Variants in NKAIN2 observed in about 807,000 individuals in gnomAD.
The protein encoded by NKAIN2 is sodium/potassium-transporting ATPase subunit beta-1-interacting protein 2.
NKAIN2 carries 14 observed loss-of-function variants against 32.6 expected under a neutral mutation model. The ratio of observed to expected loss-of-function variants is 0.43; its 90% CI spans 0.28 to 0.67. NKAIN2 has a LOEUF of 0.67. Ranked by LOEUF, NKAIN2 falls within the 30% of genes least tolerant of loss-of-function variation. The probability of loss-of-function intolerance (pLI) is 0.17; values close to 1 mark genes in which losing one functional copy is unlikely to be tolerated. For synonymous variants in NKAIN2, 80 were observed against 87.2 expected (o/e 0.92, Z 0.46); for missense variants, 198 against 258.3 (o/e 0.77, Z 1.60).
chr6:124,744,784 T>C (rs1485984783), intron 4 of NKAIN2, among the ~76,000 whole-genome samples: 1 of 151,882 alleles, frequency 6.6e-6, no homozygotes, highest in Non-Finnish European at 1.5e-5. Flanking sequence ...TTAGCAGAGA[T>C]GTATTTCAAC....
chr6:123,962,673 C>T (rs1464881169), intron 1 of NKAIN2, among the ~76,000 whole-genome samples: 1 of 152,088 alleles, frequency 6.6e-6, no homozygotes, highest in Non-Finnish European at 1.5e-5. Flanking sequence ...TCCAGTGCAG[C>T]ATGACTCAGC....
intron 4 of NKAIN2, among the ~76,000 whole-genome samples, chr6:124,740,447 C>CGTGTGTGT (rs56154164): frequency 0.046 from 6,667 of 143,646 alleles, 210 homozygotes; most frequent in African/African-American, 0.071. Flanking sequence ...CACATATACA[C>CGTGTGTGT]GTGTGTGTGT....
chr6:123,991,213 A>G lies in NKAIN2; in HGVS notation c.54+186959A>G, dbSNP rs1779395425. 2.0e-5 allele frequency among the ~76,000 whole-genome samples: 3 copies of G among 152,150 alleles called. No individual in the cohort carries two copies. In the South Asian group the frequency reaches 6.2e-4, roughly 32 times the overall value. On this transcript the variant is annotated intron_variant, in intron 1 of 6. Coordinates refer to ENST00000368417, the MANE Select transcript of NKAIN2 (RefSeq NM_001040214.3). ...TTTGTTTTATTTAATGCAGCTTAAA[A>G]CTCTACAATTACCCTTTCTATGAAC...
intron 3 of NKAIN2, among the ~76,000 whole-genome samples, chr6:124,473,728 C>T (rs907536553): frequency 2.6e-5 from 4 of 152,252 alleles, no homozygotes; most frequent in Non-Finnish European, 4.4e-5. Context: ...CTGTAGACTT[C>T]GAATCTAAGG....
At chr6:124,353,400 A>T (rs1322582512) in intron 2 of NKAIN2, among the ~76,000 whole-genome samples, 1 of 152,126 alleles carries the variant, frequency 6.6e-6, no homozygotes, top group East Asian at 1.9e-4. Context: ...TAACCTTTTA[A>T]AAAAAATGAT....
intron 2 of NKAIN2, among the ~76,000 whole-genome samples, chr6:124,303,384 GGTAGATCTCTACACTGTTACT>G (rs1796378323): frequency 6.6e-6 from 1 of 152,024 alleles, no homozygotes; most frequent in Non-Finnish European, 1.5e-5. Flanking sequence ...CAGCAAAACA[GGTAGATCTCTACACTGTTACT>G]CTTCAGAACC....
At chr6:124,604,210 T>C (rs1782413314) in intron 3 of NKAIN2, among the ~76,000 whole-genome samples, 1 of 151,940 alleles carries the variant, frequency 6.6e-6, no homozygotes, top group Admixed American at 6.6e-5. Context: ...ACACGAAATT[T>C]CAACCAAATC....
chr6:124,158,506 C>G (rs999121464), intron 1 of NKAIN2, among the ~76,000 whole-genome samples: 2 of 152,104 alleles, frequency 1.3e-5, no homozygotes, highest in African/African-American at 4.8e-5. Context: ...CTAGACTGAT[C>G]AGTGCCAGAA....
intron 3 of NKAIN2, among the ~76,000 whole-genome samples, chr6:124,650,961 G>C (rs1784347176): frequency 6.6e-6 from 1 of 152,156 alleles, no homozygotes; most frequent in South Asian, 2.1e-4. Context: ...TCTAGCTTGA[G>C]CCTATGAAAT....
chr6:124,371,802 A>G (rs1307232629), intron 3 of NKAIN2, among the ~76,000 whole-genome samples: 4 of 152,092 alleles, frequency 2.6e-5, no homozygotes, highest in African/African-American at 9.7e-5. Context: ...CACACTGTAA[A>G]TGTGATTTAT....
chr6:123,921,549 C>G (rs573786787), intron 1 of NKAIN2, among the ~76,000 whole-genome samples: 1 of 152,206 alleles, frequency 6.6e-6, no homozygotes, highest in Non-Finnish European at 1.5e-5. Context: ...GTCCTGTAGT[C>G]CTGAAGTTGT....
At chr6:124,049,734 A>G (rs1782318865) in intron 1 of NKAIN2, among the ~76,000 whole-genome samples, 1 of 152,020 alleles carries the variant, frequency 6.6e-6, no homozygotes, top group Non-Finnish European at 1.5e-5. Context: ...GCATGTCTAC[A>G]CTGAAGACTC....
chr6:124,437,007 A>G (rs1775475475), intron 3 of NKAIN2, among the ~76,000 whole-genome samples: 1 of 151,952 alleles, frequency 6.6e-6, no homozygotes, highest in South Asian at 2.1e-4. Flanking sequence ...GAGCTTTTTC[A>G]CTTTTGGTTT....
intron 4 of NKAIN2, among the ~76,000 whole-genome samples, chr6:124,768,666 AGAATTGTCTAATTATTCATAG>A (rs1482455756): frequency 2.0e-5 from 3 of 152,220 alleles, no homozygotes; most frequent in African/African-American, 7.2e-5. Context: ...CCTAGATATA[AGAATTGTCTAATTATTCATAG>A]GAATTGTCTA....
intron 4 of NKAIN2, 33 bp downstream of exon 4, chr6:124,658,419 G>A (rs1476969074): frequency 4.3e-6 from 7 of 1,613,914 alleles, no homozygotes; most frequent in Non-Finnish European, 5.9e-6. Flanking sequence ...TCCTTCTAGT[G>A]CCTCTGGGGT....
At chr6:124,008,398 A>G (rs1780172737) in intron 1 of NKAIN2, among the ~76,000 whole-genome samples, 1 of 152,130 alleles carries the variant, frequency 6.6e-6, no homozygotes, top group African/African-American at 2.4e-5. Flanking sequence ...TAAAAACAGA[A>G]CTGTATATTA....
At chr6:124,413,113 T>C (rs1774290609) in intron 3 of NKAIN2, among the ~76,000 whole-genome samples, 1 of 152,124 alleles carries the variant, frequency 6.6e-6, no homozygotes, top group African/African-American at 2.4e-5. Context: ...CCTGACCCCT[T>C]GCACTTCCCG....
At position 123,911,792 on chromosome 6, in the gene NKAIN2, TATATATATGTATATATATATACACAC is replaced by T. The variant is rs1464539263; in HGVS notation, c.54+107540_54+107565del. 3.9e-5 allele frequency among the ~76,000 whole-genome samples: 4 copies of T among 101,990 alleles called. 1 individual carries two copies. Among genetic ancestry groups the T allele is most frequent in the Non-Finnish European group, 7.3e-5 (4 of 55,012 alleles). 66.9% of individuals were successfully genotyped at this position (101,990 alleles called of 152,430 possible). ...ATATATACATACATACATATATATA[TATATATATGTATATATATATACACAC>T]ACACACACACACACACACACACACA... On this transcript the variant is annotated intron_variant, in intron 1 of 6. Transcript: ENST00000368417.
At chr6:124,120,996 G>A (rs1785852869) in intron 1 of NKAIN2, among the ~76,000 whole-genome samples, 1 of 152,118 alleles carries the variant, frequency 6.6e-6, no homozygotes, top group African/African-American at 2.4e-5. Flanking sequence ...TGAGGGTACT[G>A]ATTAGTCCTA....
Sources: gnomAD v4.1 joint callset for allele counts (sites outside exome capture counted in the v4.1 genomes callset) on GRCh38, gnomAD v4.1.1 for gene constraint, MANE v1.5 for transcripts, NCBI Gene and HGNC (gene_info 2026-07-23, HGNC 2026-07-21) for gene names.